RBFOX2: variants seen among roughly 807,000 people sequenced by gnomAD.
RBFOX2 encodes RNA binding fox-1 homolog 2, also known as RNA binding protein fox-1 homolog 2.
In RBFOX2, 10 loss-of-function variants were observed where a neutral mutation model predicts 49.1. The ratio of observed to expected loss-of-function variants is 0.20; its 90% CI spans 0.13 to 0.35. The LOEUF (loss-of-function observed/expected upper bound fraction) is 0.35, where lower values mean the gene tolerates loss of function less well. RBFOX2 is among the 10% of genes least tolerant of loss of function. RBFOX2 has a pLI of 1.00. For missense variants in RBFOX2, 323 were observed against 486.9 expected (o/e 0.66, Z 3.17); for synonymous variants, 183 against 187.4 (o/e 0.98, Z 0.19).
intron 1 of RBFOX2, among the ~76,000 whole-genome samples, chr22:35,991,777 C>T (rs1016248626): frequency 1.3e-5 from 2 of 152,134 alleles, no homozygotes; most frequent in South Asian, 4.1e-4. Context: ...CTGACAAGAA[C>T]GGGCACCAGA....
intron 1 of RBFOX2, among the ~76,000 whole-genome samples, chr22:35,919,010 T>C (rs1339113324): frequency 6.6e-6 from 1 of 152,130 alleles, no homozygotes; most frequent in Non-Finnish European, 1.5e-5. Context: ...TTAAATAAGA[T>C]GTGGTATATC....
chr22:35,996,220 T>C (rs911824109), intron 1 of RBFOX2: 2 of 152,186 alleles, frequency 1.3e-5, no homozygotes, highest in African/African-American at 4.8e-5. Context: ...GAGATCATTA[T>C]CCAATCTACT....
intron 1 of RBFOX2, among the ~76,000 whole-genome samples, chr22:35,984,293 C>T (rs1481782775): frequency 1.3e-5 from 2 of 152,150 alleles, no homozygotes; most frequent in Non-Finnish European, 2.9e-5. Context: ...AAAAGCTTCC[C>T]AGGTGATTCT....
chr22:35,791,549 TAGAA>T lies in RBFOX2; in HGVS notation c.253-9807_253-9804del, dbSNP rs547285934. ...ATGTGATTGGAACTCTTATGAAACT[TAGAA>T]AGAGACTGAAAGTACATTCATTTCA... On this transcript the variant is annotated intron_variant, in intron 2 of 11. Transcript: ENST00000405409. Among the ~76,000 whole-genome samples the T allele has an allele frequency of 5.3e-5, 8 of 152,316 alleles. 1 individual carries two copies. The highest frequency in any genetic ancestry group is 3.9e-4 in the East Asian group (2 of 5,188).
chr22:35,928,359 T>G (rs2051930483), intron 1 of RBFOX2, among the ~76,000 whole-genome samples: 1 of 152,178 alleles, frequency 6.6e-6, no homozygotes, highest in African/African-American at 2.4e-5. Context: ...TAGCTGATCC[T>G]CACTCTGCCA....
chr22:35,858,541 A>G (rs1321967570), intron 1 of RBFOX2, among the ~76,000 whole-genome samples: 1 of 152,178 alleles, frequency 6.6e-6, no homozygotes, highest in African/African-American at 2.4e-5. Context: ...TAATTAAGCT[A>G]AAGGCCAGGC....
At chr22:35,962,957 T>C (rs931138621), upstream of RBFOX2, among the ~76,000 whole-genome samples, 4 of 146,266 alleles carry the variant, frequency 2.7e-5, no homozygotes, top group African/African-American at 1.0e-4. Flanking sequence ...AGCCTTGTAG[T>C]AGGAAAGGGA....
intron 1 of RBFOX2, among the ~76,000 whole-genome samples, chr22:35,900,561 G>GAGAT (rs2048442138): frequency 1.3e-5 from 2 of 150,074 alleles, no homozygotes; most frequent in Admixed American, 6.6e-5. Context: ...GTAGAGAAAT[G>GAGAT]AGATGTATGA....
intron 3 of RBFOX2, among the ~76,000 whole-genome samples, chr22:35,779,576 T>C (rs1410222273): frequency 6.6e-6 from 1 of 152,120 alleles, no homozygotes; most frequent in Admixed American, 6.6e-5. Context: ...AAGATTTGTA[T>C]GGTGCTTTGG....
chr22:35,947,339 C>T (rs1047363759), intron 1 of RBFOX2, among the ~76,000 whole-genome samples: 4 of 152,054 alleles, frequency 2.6e-5, no homozygotes, highest in Admixed American at 2.0e-4. Flanking sequence ...AAGTCTAGCG[C>T]ATACAACAAT....
chr22:35,974,695 AAAC>A (rs907760307), intron 1 of RBFOX2, among the ~76,000 whole-genome samples: 15 of 152,114 alleles, frequency 9.9e-5, no homozygotes, highest in East Asian at 1.9e-4. Flanking sequence ...TCAAAAACAA[AAAC>A]AACAACAACA....
Position 35,770,236 on chromosome 22 carries a change from C to T in RBFOX2, c.454-1887G>A, listed in dbSNP as rs182932319. Among the ~76,000 whole-genome samples the T allele has an allele frequency of 6.2e-4, 95 of 152,246 alleles. 1 individual carries two copies. The East Asian group carries it at 6.7e-3, about 11-fold the overall frequency. On this transcript the variant is annotated intron_variant, in intron 4 of 11. Transcript: ENST00000405409. ...AAGTCAAACTTTTAAAGAAAGGTCA[C>T]AGAGTGATGAGTTTTAATATCACAC...
At chr22:35,828,157 T>C (rs1197254354) in intron 1 of RBFOX2, among the ~76,000 whole-genome samples, 1 of 135,734 alleles carries the variant, frequency 7.4e-6, no homozygotes, top group Admixed American at 7.6e-5. Flanking sequence ...TAAGAATCTG[T>C]CTCAAAAAAA....
At chr22:35,941,220 C>G (rs1470344733), upstream of RBFOX2, among the ~76,000 whole-genome samples, 3 of 152,204 alleles carry the variant, frequency 2.0e-5, no homozygotes, top group South Asian at 2.1e-4. Context: ...CCGAAATGCA[C>G]AAGTGCCTTT....
chr22:35,829,453 G>C (rs938059835), intron 1 of RBFOX2, among the ~76,000 whole-genome samples: 2 of 151,910 alleles, frequency 1.3e-5, no homozygotes, highest in Non-Finnish European at 2.9e-5. Flanking sequence ...GCTATAATCT[G>C]AGATTTAAAA....
At chr22:35,847,354 T>G (rs1270709283) in intron 1 of RBFOX2, among the ~76,000 whole-genome samples, 4 of 152,192 alleles carry the variant, frequency 2.6e-5, no homozygotes, top group African/African-American at 9.6e-5. Context: ...TAGAAATAAC[T>G]TAATTAAAAA....
At chr22:35,818,418 A>T (rs932832019) in intron 1 of RBFOX2, among the ~76,000 whole-genome samples, 3 of 152,164 alleles carry the variant, frequency 2.0e-5, no homozygotes, top group African/African-American at 7.2e-5. Context: ...TTTTCACTAC[A>T]ATCTAAATTA....
intron 1 of RBFOX2, among the ~76,000 whole-genome samples, chr22:35,898,740 C>G (rs1170551193): frequency 6.6e-6 from 1 of 152,074 alleles, no homozygotes; most frequent in Non-Finnish European, 1.5e-5. Flanking sequence ...GTCATTCATT[C>G]TTAACCAAGT....
At position 35,749,398 on chromosome 22, in the gene RBFOX2, T is replaced by C. The variant is rs2145900510; in HGVS notation, c.888-2837A>G. ...GAAACCTTTAAAAGATGAACTATTT[T>C]AGGATAGATAGGCAATATCCTACTA... is the stretch of plus-strand genomic sequence containing the variant. On this transcript the variant is annotated intron_variant, in intron 9 of 11. Transcript: ENST00000405409. The surrounding 1 kb of genome is among the most constrained non-coding windows in gnomAD (Gnocchi z 4.1). 6.6e-6 allele frequency among the ~76,000 whole-genome samples: 1 copy of C among 152,300 alleles called. No homozygotes were observed. The highest frequency in any genetic ancestry group is 2.1e-4 in the South Asian group (1 of 4,834).
Sources: allele counts gnomAD v4.1 joint callset (sites outside exome capture counted in the v4.1 genomes callset), GRCh38; gene constraint gnomAD v4.1.1; non-coding constraint Gnocchi (gnomAD v3.1); transcripts MANE v1.5; gene names NCBI Gene and HGNC (gene_info 2026-07-23, HGNC 2026-07-21).